SMYD1: variants seen among roughly 807,000 people sequenced by gnomAD.
The protein encoded by SMYD1 is histone-lysine N-methyltransferase SMYD1.
SMYD1 carries 49 observed loss-of-function variants against 54.0 expected under a neutral mutation model. The observed-to-expected ratio is 0.91, with a 90% CI of 0.72 to 1.15. The LOEUF is 1.15. SMYD1 is among the 50% of genes most tolerant of loss of function. The pLI, the probability that SMYD1 is intolerant of heterozygous loss-of-function variation, is 0.00. For synonymous variants in SMYD1, 269 were observed against 234.2 expected (o/e 1.15, Z -1.36); for missense variants, 653 against 639.6 (o/e 1.02, Z -0.23).
intron 9 of SMYD1, among the ~76,000 whole-genome samples, chr2:88,109,262 A>C (rs926128117): frequency 5.3e-4 from 30 of 56,190 alleles, no homozygotes; most frequent in Non-Finnish European, 1.0e-3. Flanking sequence ...TGGGGTGTGC[A>C]TGTGTGCGTG....
chr2:88,070,788 C>G (rs1315677261), intron 1 of SMYD1, among the ~76,000 whole-genome samples: 3 of 151,672 alleles, frequency 2.0e-5, no homozygotes, highest in Admixed American at 6.6e-5. Context: ...TACAAAAATA[C>G]GAAAATTAGC....
At chr2:88,092,151 C>A (rs1213141403) in intron 4 of SMYD1, among the ~76,000 whole-genome samples, 1 of 152,096 alleles carries the variant, frequency 6.6e-6, no homozygotes, top group Non-Finnish European at 1.5e-5. Flanking sequence ...ACCCCTCATT[C>A]CCCCAACCTT....
chr2:88,099,165 C>A (rs957594423), intron 6 of SMYD1, among the ~76,000 whole-genome samples: 2 of 152,108 alleles, frequency 1.3e-5, no homozygotes, highest in African/African-American at 4.8e-5. Flanking sequence ...CAGCTCACTG[C>A]AGCCTCGACT....
chr2:88,086,959 C>T (rs1366381458), intron 2 of SMYD1, among the ~76,000 whole-genome samples: 15 of 147,126 alleles, frequency 1.0e-4, no homozygotes, highest in Middle Eastern at 7.0e-3. Context: ...GCATTAGGTA[C>T]ATCTCCCAAT....
At chr2:88,108,602 G>T in intron 9 of SMYD1, 63 bp downstream of exon 9, 1 of 1,462,594 alleles carries the variant, frequency 6.8e-7, no homozygotes. Flanking sequence ...ATGGGAGTGT[G>T]AGTTCAGGTG....
At chr2:88,104,901 T>C (rs1266848224) in intron 7 of SMYD1, among the ~76,000 whole-genome samples, 1 of 152,222 alleles carries the variant, frequency 6.6e-6, no homozygotes, top group Non-Finnish European at 1.5e-5. Context: ...GGTCCATCTT[T>C]TTCCTCACCA....
In SMYD1 at chr2:88,111,106, G is replaced by A. The variant is rs1675011785; in HGVS notation, c.*594G>A. On this transcript the variant is annotated 3_prime_UTR_variant, in exon 10 of 10. Transcript: ENST00000419482. ...GAGTTTTGAAGAAGGGGCTGTGTTT[G>A]GGCCACGTAGGCTCTACTCAGAGAC... The A allele has an allele frequency of 6.6e-6, 1 of 152,382 alleles. No homozygotes were observed. The highest frequency in any genetic ancestry group is 1.5e-5 in the Non-Finnish European group (1 of 68,158). The allele number at this position is 152,382 out of a possible 1,614,324, so 9.4% of individuals were successfully genotyped here. A position where few individuals can be genotyped will look rare whatever the true frequency, so the allele number is the denominator to read the frequency against.
chr2:88,112,071 G>A lies in SMYD1; in HGVS notation c.*1559G>A, dbSNP rs535053013. 2 of 702,966 alleles carry A rather than the reference G, an allele frequency of 2.8e-6. No individual in the cohort carries two copies. Among genetic ancestry groups the A allele is most frequent in the Non-Finnish European group, 5.2e-6 (2 of 385,036 alleles). The allele number at this position is 702,966 out of a possible 1,614,324, so 43.5% of individuals were successfully genotyped here. A position where few individuals can be genotyped will look rare whatever the true frequency, so the allele number is the denominator to read the frequency against. On this transcript the variant is annotated 3_prime_UTR_variant, in exon 10 of 10. Coordinates refer to ENST00000419482, the MANE Select transcript of SMYD1 (RefSeq NM_198274.4). Reference sequence around the variant, plus strand: ...GCAAAATACTTGTATCTGACACTTAGGTCTTGTTTGAAGAATTTCCTTTCT... The same window carrying A: ...GCAAAATACTTGTATCTGACACTTAAGTCTTGTTTGAAGAATTTCCTTTCT...
chr2:88,068,043 C>G (rs1043854029), intron 1 of SMYD1, 42 bp downstream of exon 1: 1 of 1,589,264 alleles, frequency 6.3e-7, no homozygotes, highest in Middle Eastern at 2.0e-4. Context: ...GTTAGTTTGG[C>G]TGGGGCCAAA....
intron 1 of SMYD1, among the ~76,000 whole-genome samples, chr2:88,070,969 A>G (rs1403946361): frequency 6.9e-6 from 1 of 144,384 alleles, no homozygotes; most frequent in African/African-American, 2.6e-5. Context: ...AAAAAAAAAC[A>G]GTAATAGTTT....
intron 7 of SMYD1, among the ~76,000 whole-genome samples, chr2:88,105,334 G>A (rs536419046): frequency 4.0e-5 from 6 of 151,244 alleles, no homozygotes; most frequent in African/African-American, 1.5e-4. Flanking sequence ...GTTCTTATAA[G>A]ATATATAAAT....
At chr2:88,102,013 A>G (rs1674732352) in intron 6 of SMYD1, among the ~76,000 whole-genome samples, 1 of 152,102 alleles carries the variant, frequency 6.6e-6, no homozygotes, top group African/African-American at 2.4e-5. Flanking sequence ...TGCATAGGAA[A>G]ATGTTCCCCC....
chr2:88,094,609 T>C (rs1022524798), intron 5 of SMYD1, among the ~76,000 whole-genome samples: 5 of 152,192 alleles, frequency 3.3e-5, no homozygotes, highest in African/African-American at 1.2e-4. Context: ...GGCATACATA[T>C]ATGCATCTTT....
chr2:88,107,457 C>T (rs1193324972), intron 8 of SMYD1, among the ~76,000 whole-genome samples: 1 of 152,150 alleles, frequency 6.6e-6, no homozygotes, highest in Non-Finnish European at 1.5e-5. Flanking sequence ...ATTTTTTTCT[C>T]CCTTGACCTT....
rs1460016828 is a variant in SMYD1, at chr2:88,088,069, C to G, written c.522C>G (p.Phe174Leu). The G allele has an allele frequency of 1.9e-6, 3 of 1,612,832 alleles. No homozygotes were observed. The East Asian group carries it at 6.7e-5, about 36-fold the overall frequency. ...GCATGCAGTACATCTCGCACATCTT[C>G]GGAGTGGTAGGCCCCCTGCGTCCCT... is the stretch of plus-strand genomic sequence containing the variant. ...QFSMQYISHI[F>L]GVINCNGFTL... The change falls in exon 3 of 10, where the codon TTC becomes TTG. Residue 174 changes from phenylalanine (F) to leucine (L), a missense_variant. Coordinates refer to ENST00000419482, the MANE Select transcript of SMYD1 (RefSeq NM_198274.4).
chr2:88,076,668 T>C (rs977681052), intron 1 of SMYD1, among the ~76,000 whole-genome samples: 1 of 152,086 alleles, frequency 6.6e-6, no homozygotes, highest in Non-Finnish European at 1.5e-5. Flanking sequence ...ATTTAAAATA[T>C]TGTGAAGTTA....
At chr2:88,091,875 C>T (rs984857003) in intron 4 of SMYD1, among the ~76,000 whole-genome samples, 10 of 151,930 alleles carry the variant, frequency 6.6e-5, no homozygotes, top group Non-Finnish European at 1.5e-4. Flanking sequence ...AAAACCAAAC[C>T]AAACCAAACC....
At chr2:88,076,414 G>A (rs148264339) in intron 1 of SMYD1, among the ~76,000 whole-genome samples, 1,632 of 152,160 alleles carry the variant, frequency 0.011, 31 homozygotes, top group African/African-American at 0.037. Context: ...TAGTAGAGAC[G>A]GGGTTTCGCC....
At position 88,111,774 on chromosome 2, in the gene SMYD1, T is replaced by C. The variant is rs1278755070; in HGVS notation, c.*1262T>C. 3.0e-6 allele frequency: 1 copy of C among 335,000 alleles called. No homozygotes were observed. The highest frequency in any genetic ancestry group is 2.1e-5 in the African/African-American group (1 of 48,752). 20.8% of individuals were successfully genotyped at this position (335,000 alleles called of 1,614,324 possible). A position where few individuals can be genotyped will look rare whatever the true frequency, so the allele number is the denominator to read the frequency against. ...CCAAGATTAGCCTGTTATCCTGTTA[T>C]CTACTGAGACCCCAAATTTCTCACC... On this transcript the variant is annotated 3_prime_UTR_variant, in exon 10 of 10. Transcript: ENST00000419482.
Sources: gnomAD v4.1 joint callset for allele counts (sites outside exome capture counted in the v4.1 genomes callset) on GRCh38, gnomAD v4.1.1 for gene constraint, MANE v1.5 for transcripts, NCBI Gene and HGNC (gene_info 2026-07-23, HGNC 2026-07-21) for gene names.